Variants in UBAC2 observed in about 807,000 individuals in gnomAD.
UBAC2 encodes UBA domain containing 2.
Under a neutral mutation model 44.0 loss-of-function variants are expected in UBAC2, and 26 were observed. The observed-to-expected ratio is 0.59, with a 90% confidence interval of 0.43 to 0.82. The LOEUF (loss-of-function observed/expected upper bound fraction) is 0.82, where lower values mean the gene tolerates loss of function less well. UBAC2 is among the 40% of genes least tolerant of loss of function. UBAC2 has a pLI of 0.00. For missense variants in UBAC2, 329 were observed against 419.4 expected, an observed-to-expected ratio of 0.78 and a Z score of 1.88; for synonymous variants, 155 against 154.3, an observed-to-expected ratio of 1.00 and a Z score of -0.04.
chr13:99,290,161 G>GT (rs2044070486), intron 4 of UBAC2, among the ~76,000 whole-genome samples: 1 of 152,210 alleles, frequency 6.6e-6, no homozygotes. Context: ...CTGGAGCATA[G>GT]TTTCATCATC....
At chr13:99,286,262 A>G (rs1212960197) in intron 4 of UBAC2, among the ~76,000 whole-genome samples, 2 of 152,246 alleles carry the variant, frequency 1.3e-5, no homozygotes, top group Non-Finnish European at 2.9e-5. Context: ...CTTCAAATGT[A>G]TATATACAAA....
intron 2 of UBAC2, among the ~76,000 whole-genome samples, chr13:99,240,943 T>C (rs985199672): frequency 6.6e-6 from 1 of 152,182 alleles, no homozygotes. Flanking sequence ...TTACAAACTT[T>C]AGTTTCTCTG....
At chr13:99,360,667 C>T (rs1436863193) in intron 7 of UBAC2, among the ~76,000 whole-genome samples, 1 of 152,196 alleles carries the variant, frequency 6.6e-6, no homozygotes, top group Non-Finnish European at 1.5e-5. Context: ...GCTCTCTTCT[C>T]CATCGTTGAA....
At chr13:99,359,513 C>G (rs1339404041) in intron 7 of UBAC2, among the ~76,000 whole-genome samples, 1 of 152,156 alleles carries the variant, frequency 6.6e-6, no homozygotes. Flanking sequence ...CAACCTGTTT[C>G]CTAAATGTGT....
chr13:99,317,366 AC>A, intron 5 of UBAC2, among the ~76,000 whole-genome samples: 1 of 152,146 alleles, frequency 6.6e-6, no homozygotes, highest in East Asian at 1.9e-4. Flanking sequence ...TTTTTTAATT[AC>A]CCTGAGCACA....
At chr13:99,203,543 T>G (rs1162502080) in intron 1 of UBAC2, among the ~76,000 whole-genome samples, 3 of 152,230 alleles carry the variant, frequency 2.0e-5, no homozygotes, top group Non-Finnish European at 4.4e-5. Flanking sequence ...AGTGTTAAAC[T>G]TGCCTTTCTC....
At chr13:99,215,380 T>A (rs902205776) in intron 1 of UBAC2, 9 of 1,171,098 alleles carry the variant, frequency 7.7e-6, no homozygotes, top group Non-Finnish European at 1.2e-5. Flanking sequence ...CATTAGACAG[T>A]CTTCTGTTGT....
chr13:99,242,889 G>A (rs1838165792), intron 2 of UBAC2, among the ~76,000 whole-genome samples: 1 of 150,126 alleles, frequency 6.7e-6, no homozygotes, highest in Non-Finnish European at 1.5e-5. Flanking sequence ...CGGGGCAGAG[G>A]TGCTCCCCAC....
intron 4 of UBAC2, among the ~76,000 whole-genome samples, chr13:99,308,433 G>A (rs1283442013): frequency 2.0e-5 from 3 of 152,162 alleles, no homozygotes; most frequent in Non-Finnish European, 4.4e-5. Context: ...GAGACTAGCG[G>A]GAGGGTCAGT....
chr13:99,204,437 T>G (rs1593989291), intron 1 of UBAC2, among the ~76,000 whole-genome samples: 1 of 151,706 alleles, frequency 6.6e-6, no homozygotes, highest in Non-Finnish European at 1.5e-5. Context: ...ATGGCTGGAG[T>G]GAGCAGTTCG....
chr13:99,282,048 C>A (rs551188765), intron 4 of UBAC2, among the ~76,000 whole-genome samples: 1 of 152,312 alleles, frequency 6.6e-6, no homozygotes, highest in African/African-American at 2.4e-5. Flanking sequence ...TCACCCTCAG[C>A]ACTTTTGACA....
chr13:99,309,547 C>CA, intron 4 of UBAC2, among the ~76,000 whole-genome samples: 1 of 152,250 alleles, frequency 6.6e-6, no homozygotes, highest in South Asian at 2.1e-4. Flanking sequence ...TGAAAGTTAC[C>CA]AGGGTTTCTT....
At chr13:99,232,603 C>G (rs187113723) in intron 1 of UBAC2, among the ~76,000 whole-genome samples, 1 of 151,764 alleles carries the variant, frequency 6.6e-6, no homozygotes, top group African/African-American at 2.4e-5. Context: ...AAGAGAGAAA[C>G]GACAGAAATG....
At chr13:99,362,017 T>C (rs572955662) in intron 7 of UBAC2, among the ~76,000 whole-genome samples, 51 of 152,292 alleles carry the variant, frequency 3.3e-4, no homozygotes, top group African/African-American at 1.2e-3. Flanking sequence ...CCAAAAAAAG[T>C]TAAAATAGTA....
At position 99,243,804 on chromosome 13, in the gene UBAC2, T is replaced by C. The variant is rs953666581; in HGVS notation, c.160-28T>C. 6 of 1,544,926 alleles carry C rather than the reference T, an allele frequency of 3.9e-6. No homozygotes were observed. The African/African-American group carries it at 6.9e-5, about 18-fold the overall frequency. On this transcript the variant is annotated intron_variant, in intron 2 of 8. Coordinates refer to ENST00000403766, the MANE Select transcript of UBAC2 (RefSeq NM_001144072.2). ...GACCCGAACAAATTTTACTCTTGTT[T>C]ATTGTTCTTTTTTAAATCCCCATCT...
At chr13:99,367,739 G>A (rs1430031127) in intron 7 of UBAC2, 48 bp from the exon 8 acceptor site, 1 of 1,612,632 alleles carries the variant, frequency 6.2e-7, no homozygotes, top group South Asian at 1.1e-5. Context: ...GCATTATGAT[G>A]ATTCTGCTCC....
intron 6 of UBAC2, among the ~76,000 whole-genome samples, chr13:99,333,981 C>T (rs891598788): frequency 2.0e-5 from 3 of 152,150 alleles, no homozygotes; most frequent in Non-Finnish European, 4.4e-5. Context: ...CAAGATCTTG[C>T]TCCGTCACCC....
At chr13:99,329,493 C>G (rs1472217842) in intron 6 of UBAC2, among the ~76,000 whole-genome samples, 2 of 152,160 alleles carry the variant, frequency 1.3e-5, no homozygotes, top group African/African-American at 4.8e-5. Context: ...CTTGGTGATA[C>G]TTATAATGAA....
At chr13:99,375,045 G>C (rs1449363312) in intron 8 of UBAC2, among the ~76,000 whole-genome samples, 2 of 152,186 alleles carry the variant, frequency 1.3e-5, no homozygotes, top group African/African-American at 2.4e-5. Flanking sequence ...CCCAAAGTTA[G>C]ATGTGTTACA....
Sources: allele counts gnomAD v4.1 joint callset (sites outside exome capture counted in the v4.1 genomes callset), GRCh38; gene constraint gnomAD v4.1.1; transcripts MANE v1.5; gene names NCBI Gene and HGNC (gene_info 2026-07-23, HGNC 2026-07-21).